The following MANBA variants were observed in gnomAD, a reference collection of about 807,000 sequenced individuals.
MANBA encodes the protein beta-mannosidase.
MANBA carries 83 observed loss-of-function variants against 111.1 expected under a neutral mutation model. That is an observed-to-expected ratio of 0.75 (90% CI 0.63 to 0.90). MANBA has a LOEUF of 0.90. MANBA is among the 40% of genes least tolerant of loss of function. MANBA has a pLI of 0.00. For missense variants in MANBA, 1,036 were observed against 1,069.0 expected, an observed-to-expected ratio of 0.97 and a Z score of 0.43; for synonymous variants, 370 against 378.7, an observed-to-expected ratio of 0.98 and a Z score of 0.27.
intron 10 of MANBA, chr4:102,666,607 AGAT>A (rs1731233998): frequency 6.6e-6 from 1 of 152,452 alleles, no homozygotes; most frequent in East Asian, 1.9e-4. Context: ...ATAGACAGCA[AGAT>A]GGAGATGGTG....
At chr4:102,747,212 C>T (rs1421575335) in intron 1 of MANBA, among the ~76,000 whole-genome samples, 1 of 149,444 alleles carries the variant, frequency 6.7e-6, no homozygotes, top group Non-Finnish European at 1.5e-5. Flanking sequence ...CACATGATCA[C>T]AAGGTCCCAT....
At chr4:102,692,350 T>C (rs188245463) in intron 5 of MANBA, among the ~76,000 whole-genome samples, 1 of 152,252 alleles carries the variant, frequency 6.6e-6, no homozygotes, top group Admixed American at 6.5e-5. Flanking sequence ...GAACTTTGGG[T>C]GCAGAGTTTG....
chr4:102,715,135 A>G (rs56725841), intron 4 of MANBA, among the ~76,000 whole-genome samples: 14,214 of 152,150 alleles, frequency 0.093, 1,778 homozygotes, highest in African/African-American at 0.29. Flanking sequence ...GCATATAGCA[A>G]AAATGATGTG....
Position 102,646,504 on chromosome 4 carries a change from C to T in MANBA, c.1869+4033G>A, listed in dbSNP as rs151120869. Among the ~76,000 whole-genome samples the T allele has an allele frequency of 1.4e-3, 214 of 152,208 alleles. 1 individual carries two copies. Among genetic ancestry groups the T allele is most frequent in the Non-Finnish European group, 2.6e-3 (179 of 67,990 alleles). On this transcript the variant is annotated intron_variant, in intron 13 of 16. Transcript: ENST00000647097. Reference sequence around the variant, plus strand: ...TGAGTTTCTCAAGAACATCCCCAAGCCATCATTAGATATTCAATAGACACA... The same window carrying T: ...TGAGTTTCTCAAGAACATCCCCAAGTCATCATTAGATATTCAATAGACACA...
chr4:102,701,116 GCCT>G (rs1192904034), intron 5 of MANBA, among the ~76,000 whole-genome samples: 3 of 151,986 alleles, frequency 2.0e-5, no homozygotes, highest in Admixed American at 1.3e-4. Context: ...TTATGTAATG[GCCT>G]TCTTTGTCTC....
Position 102,650,696 on chromosome 4 carries a change from C to G in MANBA, c.1710G>C (p.Ser570=), listed in dbSNP as rs150218398. 6.2e-7 allele frequency: 1 copy of G among 1,611,184 alleles called. No individual in the cohort carries two copies. The highest frequency in any genetic ancestry group is 8.5e-7 in the Non-Finnish European group (1 of 1,177,532). ...WPSFSTLEKV[S]STEDWSFNSK... is the part of the protein sequence containing the mutation. ...TATTGAAAGACCAGTCCTCTGTAGA[C>G]GAGACCTTTCAAATAAAGAATAAGA... Residue 570 remains serine, a synonymous_variant, in exon 13 of 17, where the codon TCG becomes TCC. Transcript: ENST00000647097.
intron 10 of MANBA, chr4:102,667,076 C>T (rs760718689): frequency 3.9e-5 from 6 of 152,158 alleles, no homozygotes; most frequent in Non-Finnish European, 1.5e-5. Context: ...AAATTGTCCC[C>T]CTTTTGGTTG....
chr4:102,748,864 G>C (rs1167917880), intron 1 of MANBA, among the ~76,000 whole-genome samples: 1 of 151,980 alleles, frequency 6.6e-6, no homozygotes, highest in East Asian at 1.9e-4. Flanking sequence ...AGTGAGGCGA[G>C]ATCGTGCCAT....
chr4:102,713,746 A>G (rs1722185349), intron 5 of MANBA, among the ~76,000 whole-genome samples: 1 of 152,012 alleles, frequency 6.6e-6, no homozygotes, highest in Admixed American at 6.6e-5. Flanking sequence ...AAAATACAAA[A>G]TTAGCTGGGC....
intron 14 of MANBA, among the ~76,000 whole-genome samples, chr4:102,637,036 G>A (rs1419439393): frequency 1.3e-5 from 2 of 152,248 alleles, no homozygotes; most frequent in African/African-American, 4.8e-5. Context: ...GGAGTTTCCT[G>A]CACAAGTCCT....
At chr4:102,724,100 T>G in intron 2 of MANBA, 133 bp from the exon 3 acceptor site, 4 of 648,124 alleles carry the variant, frequency 6.2e-6, no homozygotes, top group Non-Finnish European at 1.1e-5. Context: ...CAGTTTCCAG[T>G]GACATTTTCA....
At chr4:102,725,984 G>A (rs978264217) in intron 2 of MANBA, among the ~76,000 whole-genome samples, 1 of 151,918 alleles carries the variant, frequency 6.6e-6, no homozygotes, top group Admixed American at 6.5e-5. Flanking sequence ...GAACCATTAC[G>A]AAAGATATTC....
At chr4:102,729,144 GC>G in intron 1 of MANBA, 1 of 726,808 alleles carries the variant, frequency 1.4e-6, no homozygotes, top group Non-Finnish European at 2.6e-6. Flanking sequence ...TTAACAGCCA[GC>G]CCCCTGTGCT....
At chr4:102,643,278 C>A (rs1263833725) in intron 13 of MANBA, among the ~76,000 whole-genome samples, 1 of 152,206 alleles carries the variant, frequency 6.6e-6, no homozygotes, top group African/African-American at 2.4e-5. Context: ...GGAGATGCTA[C>A]ATTTTGCTTG....
intron 5 of MANBA, among the ~76,000 whole-genome samples, chr4:102,692,617 G>A (rs915833795): frequency 5.4e-5 from 8 of 147,760 alleles, no homozygotes; most frequent in African/African-American, 2.1e-4. Flanking sequence ...TGGAGGTACA[G>A]GGGGTTAGAG....
chr4:102,655,770 G>T (rs1424857924), intron 12 of MANBA, among the ~76,000 whole-genome samples: 14 of 152,118 alleles, frequency 9.2e-5, no homozygotes, highest in Non-Finnish European at 1.5e-4. Context: ...ACACCAAAAA[G>T]AACAGATTGG....
chr4:102,643,109 C>T (rs1426335672), intron 13 of MANBA, among the ~76,000 whole-genome samples: 1 of 152,142 alleles, frequency 6.6e-6, no homozygotes, highest in African/African-American at 2.4e-5. Context: ...GAAGCAGTCA[C>T]TCCCCATCCT....
intron 7 of MANBA, among the ~76,000 whole-genome samples, chr4:102,689,112 G>A (rs1732353769): frequency 6.6e-6 from 1 of 152,152 alleles, no homozygotes; most frequent in Admixed American, 6.5e-5. Context: ...CACTCTGGGA[G>A]GCCAAGGCAG....
At chr4:102,703,793 T>A (rs1733170122) in intron 5 of MANBA, among the ~76,000 whole-genome samples, 1 of 152,000 alleles carries the variant, frequency 6.6e-6, no homozygotes, top group South Asian at 2.1e-4. Context: ...CCCACCAGAT[T>A]ATCTTTAAAA....
Sources: allele counts gnomAD v4.1 joint callset (sites outside exome capture counted in the v4.1 genomes callset), GRCh38; gene constraint gnomAD v4.1.1; transcripts MANE v1.5; gene names NCBI Gene and HGNC (gene_info 2026-07-23, HGNC 2026-07-21).